ZNF827: variants seen among roughly 807,000 people sequenced by gnomAD.
ZNF827 encodes the protein zinc finger protein 827.
ZNF827 carries 13 observed loss-of-function variants against 102.4 expected under a neutral mutation model. The observed-to-expected ratio is 0.13, with a 90% CI of 0.08 to 0.20. ZNF827 has a LOEUF of 0.20. ZNF827 is among the 10% of genes least tolerant of loss of function. ZNF827 has a pLI of 1.00. For synonymous variants in ZNF827, 523 were observed against 536.2 expected (o/e 0.98, Z 0.34); for missense variants, 1,103 against 1,344.4 (o/e 0.82, Z 2.81).
At chr4:145,791,360 G>A (rs1299451546) in intron 8 of ZNF827, among the ~76,000 whole-genome samples, 1 of 152,132 alleles carries the variant, frequency 6.6e-6, no homozygotes, top group Non-Finnish European at 1.5e-5. Flanking sequence ...CTTCCCAAAG[G>A]CTCCATCTTC....
chr4:145,935,891 A>C (rs73852233), intron 1 of ZNF827, among the ~76,000 whole-genome samples: 4 of 152,172 alleles, frequency 2.6e-5, no homozygotes, highest in Non-Finnish European at 5.9e-5. Context: ...ACTACACACA[A>C]GAGGAGGGAA....
At chr4:145,904,400 A>T (rs2174862) in intron 1 of ZNF827, among the ~76,000 whole-genome samples, 55,018 of 152,126 alleles carry the variant, frequency 0.36, 11,270 homozygotes, top group East Asian at 0.67. Flanking sequence ...GTCCATGGAA[A>T]ACCACATAGG....
chr4:145,775,709 A>G, intron 10 of ZNF827, 80 bp downstream of exon 10: 3 of 1,536,960 alleles, frequency 2.0e-6, no homozygotes, highest in South Asian at 2.3e-5. Flanking sequence ...CTCGTGATGT[A>G]TGCCCACAGC....
rs773501716 is a variant in ZNF827 at position 145,902,737 on chromosome 4, G to A, written c.522C>T (p.Ala174=). ...QQLSVLARKL[A]EKQEQNDQYT... ...ATTGGTCATTCTGTTCCTGCTTCTC[G>A]GCCAACTTCCTGGCCAGAACACTGA... Residue 174 remains alanine, a synonymous_variant, in exon 2 of 15, where the codon GCC becomes GCT. Transcript: ENST00000508784. The surrounding 1 kb of genome is among the most constrained non-coding windows in gnomAD (Gnocchi z 4.3). 2.8e-5 allele frequency: 45 copies of A among 1,613,880 alleles called. No homozygotes were observed. Among genetic ancestry groups the A allele is most frequent in the South Asian group, 2.2e-4 (20 of 91,072 alleles).
intron 8 of ZNF827, among the ~76,000 whole-genome samples, chr4:145,791,295 C>A (rs954359259): frequency 6.6e-6 from 1 of 152,156 alleles, no homozygotes; most frequent in African/African-American, 2.4e-5. Flanking sequence ...ATAAGGGCCT[C>A]TTTTATAGGG....
intron 1 of ZNF827, among the ~76,000 whole-genome samples, chr4:145,936,920 G>T (rs1334792160): frequency 6.6e-6 from 1 of 151,870 alleles, no homozygotes; most frequent in African/African-American, 2.4e-5. Flanking sequence ...TAGTGTGGGG[G>T]GAGAGAAGAG....
chr4:145,847,264 G>A (rs1021273575), intron 6 of ZNF827, among the ~76,000 whole-genome samples: 4 of 152,018 alleles, frequency 2.6e-5, no homozygotes, highest in East Asian at 1.9e-4. Context: ...AAATATATAC[G>A]TACACATACA....
chr4:145,869,719 A>G (rs1315166049), intron 5 of ZNF827, among the ~76,000 whole-genome samples: 1 of 152,214 alleles, frequency 6.6e-6, no homozygotes, highest in African/African-American at 2.4e-5. Context: ...TAATCTTAAG[A>G]ACAGATTAAT....
At chr4:145,842,039 T>G (rs1358830441) in intron 7 of ZNF827, among the ~76,000 whole-genome samples, 2 of 152,152 alleles carry the variant, frequency 1.3e-5, no homozygotes, top group Non-Finnish European at 2.9e-5. Flanking sequence ...AGATAAAACA[T>G]CATAAATCAT....
At chr4:145,862,517 A>G (rs1028259476) in intron 5 of ZNF827, among the ~76,000 whole-genome samples, 5 of 152,150 alleles carry the variant, frequency 3.3e-5, no homozygotes, top group African/African-American at 7.2e-5. Flanking sequence ...TCCCCCAGCC[A>G]TGGGATATAT....
intron 8 of ZNF827, among the ~76,000 whole-genome samples, chr4:145,822,507 G>C (rs985988978): frequency 6.6e-6 from 1 of 152,198 alleles, no homozygotes; most frequent in Non-Finnish European, 1.5e-5. Flanking sequence ...CTTTATTTTT[G>C]AAGAGGCTGC....
intron 8 of ZNF827, among the ~76,000 whole-genome samples, chr4:145,801,837 G>A (rs1290411900): frequency 1.1e-4 from 16 of 147,904 alleles, no homozygotes; most frequent in Admixed American, 7.4e-4. Context: ...CTTTCAATAC[G>A]TATGCTTTTA....
At chr4:145,927,571 A>G (rs891842994) in intron 1 of ZNF827, among the ~76,000 whole-genome samples, 5 of 152,144 alleles carry the variant, frequency 3.3e-5, no homozygotes, top group African/African-American at 9.7e-5. Flanking sequence ...ACGTTCCATC[A>G]ACACCTAAGG....
chr4:145,870,114 T>C (rs1748549194), intron 5 of ZNF827, 131 bp downstream of exon 5: 1 of 842,832 alleles, frequency 1.2e-6, no homozygotes, highest in Non-Finnish European at 1.8e-6. Flanking sequence ...AGTAATCTGA[T>C]CGTTCTTTGA....
At chr4:145,843,904 T>C (rs1745663255) in intron 7 of ZNF827, among the ~76,000 whole-genome samples, 1 of 152,156 alleles carries the variant, frequency 6.6e-6, no homozygotes. Context: ...TCTCCTTCTC[T>C]TTCCTCCGTC....
At chr4:145,906,870 C>A (rs1307229586) in intron 1 of ZNF827, among the ~76,000 whole-genome samples, 1 of 152,200 alleles carries the variant, frequency 6.6e-6, no homozygotes, top group Non-Finnish European at 1.5e-5. Context: ...CTCTGGACTG[C>A]AAGAAAACTT....
chr4:145,798,755 C>G (rs1024357999), intron 8 of ZNF827, among the ~76,000 whole-genome samples: 8 of 152,158 alleles, frequency 5.3e-5, no homozygotes, highest in Admixed American at 4.6e-4. Flanking sequence ...ACAGATGAGG[C>G]AGAATTTCAG....
At chr4:145,837,859 A>T (rs548023926) in intron 7 of ZNF827, among the ~76,000 whole-genome samples, 118 of 151,956 alleles carry the variant, frequency 7.8e-4, no homozygotes, top group Non-Finnish European at 1.4e-3. Context: ...CATCCCCACA[A>T]TATCACCCCT....
intron 1 of ZNF827, among the ~76,000 whole-genome samples, chr4:145,931,938 T>C (rs1242391443): frequency 6.6e-6 from 1 of 152,142 alleles, no homozygotes; most frequent in East Asian, 1.9e-4. Flanking sequence ...TGAAACTTAA[T>C]CCCCAATGTG....
Sources: gnomAD v4.1 joint callset for allele counts (sites outside exome capture counted in the v4.1 genomes callset) on GRCh38, gnomAD v4.1.1 for gene constraint, Gnocchi (gnomAD v3.1) non-coding constraint, MANE v1.5 for transcripts, NCBI Gene and HGNC (gene_info 2026-07-23, HGNC 2026-07-21) for gene names.